The following DEFB131A variants were observed in gnomAD, a reference collection of about 807,000 sequenced individuals.
The protein encoded by DEFB131A is defensin beta 131A.
Under a neutral mutation model 2.4 loss-of-function variants are expected in DEFB131A, and 5 were observed. That is an observed-to-expected ratio of 2.12 (90% confidence interval 1.11 to 4.47). The LOEUF (loss-of-function observed/expected upper bound fraction) is 4.47, where lower values mean the gene tolerates loss of function less well. Ranked by LOEUF, DEFB131A falls within the 30% of genes most tolerant of loss-of-function variation. DEFB131A has a pLI of 0.00. For synonymous variants in DEFB131A, 34 were observed against 25.7 expected (o/e 1.32, Z -0.97); for missense variants, 120 against 79.9 (o/e 1.50, Z -1.91).
intron 1 of DEFB131A, among the ~76,000 whole-genome samples, chr4:9,447,191 G>A (rs958531482): frequency 2.0e-5 from 3 of 152,118 alleles, no homozygotes; most frequent in African/African-American, 7.2e-5. Flanking sequence ...GGATATTGAA[G>A]CCCTCAGTTA....
chr4:9,450,228 C>T (rs1717619822), intron 1 of DEFB131A, 132 bp from the exon 2 acceptor site: 4 of 1,085,314 alleles, frequency 3.7e-6, no homozygotes, highest in Admixed American at 3.9e-5. Context: ...TTTTCTCTTG[C>T]ATTTTTTGCT....
Position 9,450,594 on chromosome 4 carries a change from T to G in DEFB131A, c.*80T>G, listed in dbSNP as rs965891265. On this transcript the variant is annotated 3_prime_UTR_variant, in exon 2 of 2. Coordinates refer to ENST00000334879, the MANE Select transcript of DEFB131A (RefSeq NM_001040448.3). ...TCTTATCTATGAATAATTAACATGA[T>G]AGATGAAAATTATTATAATTGCATG... 4 of 1,498,528 alleles carry G rather than the reference T, an allele frequency of 2.7e-6. No individual in the cohort carries two copies. Among genetic ancestry groups the G allele is most frequent in the Non-Finnish European group, 3.6e-6 (4 of 1,110,962 alleles). The allele number at this position is 1,498,528 out of a possible 1,614,324, so 92.8% of individuals were successfully genotyped here.
intron 1 of DEFB131A, among the ~76,000 whole-genome samples, chr4:9,447,359 T>C (rs1262043706): frequency 6.6e-6 from 1 of 152,164 alleles, no homozygotes; most frequent in Non-Finnish European, 1.5e-5. Flanking sequence ...TCTTTGTCTC[T>C]TTTTATGTTT....
chr4:9,446,412 T>C (rs1362314317), intron 1 of DEFB131A, among the ~76,000 whole-genome samples: 8 of 152,138 alleles, frequency 5.3e-5, no homozygotes, highest in African/African-American at 1.9e-4. Context: ...AATGATCCAT[T>C]GTATTTCTTT....
rs779606789 is a variant in DEFB131A at position 9,448,571 on chromosome 4, G to A, written c.59-1789G>A. Among the ~76,000 whole-genome samples the A allele has an allele frequency of 5.9e-5, 9 of 152,214 alleles. 1 individual carries two copies. The highest frequency in any genetic ancestry group is 1.9e-4 in the East Asian group (1 of 5,170). On this transcript the variant is annotated intron_variant, in intron 1 of 1. Transcript: ENST00000334879. ...ACTCCTGACCTCAGGTGATCCGCCC[G>A]CCTTGGCCTCCCAAAGTACCAGGAT... is the stretch of plus-strand genomic sequence containing the variant.
intron 1 of DEFB131A, among the ~76,000 whole-genome samples, chr4:9,445,257 C>A (rs1717466514): frequency 1.3e-5 from 2 of 152,028 alleles, no homozygotes; most frequent in Admixed American, 1.3e-4. Context: ...CCTTGGTTCA[C>A]AGGATAAATT....
intron 1 of DEFB131A, among the ~76,000 whole-genome samples, chr4:9,446,664 C>A (rs1221833611): frequency 6.6e-6 from 1 of 151,816 alleles, no homozygotes; most frequent in Non-Finnish European, 1.5e-5. Flanking sequence ...TTTTCTTGTT[C>A]CTTGAGGTGC....
In DEFB131A at chr4:9,444,462, G is replaced by C; in HGVS notation, c.-72G>C. ...TCACTCAACAACTCACCTCTTCAGA[G>C]AACTGAATGTACACAGAAGTCCTCT... On this transcript the variant is annotated 5_prime_UTR_variant, in exon 1 of 2. Transcript: ENST00000334879. 1 of 1,555,200 alleles carries C rather than the reference G, an allele frequency of 6.4e-7. No individual in the cohort carries two copies. The highest frequency in any genetic ancestry group is 8.8e-7 in the Non-Finnish European group (1 of 1,138,944).
At chr4:9,448,809 A>G (rs575456869) in intron 1 of DEFB131A, among the ~76,000 whole-genome samples, 1 of 152,184 alleles carries the variant, frequency 6.6e-6, no homozygotes, top group Non-Finnish European at 1.5e-5. Context: ...TGCCACATTT[A>G]TTTAACATGA....
At chr4:9,450,299 G>A (rs1347780836) in intron 1 of DEFB131A, 61 bp from the exon 2 acceptor site, 8 of 1,376,964 alleles carry the variant, frequency 5.8e-6, no homozygotes, top group East Asian at 5.3e-5. Context: ...AAACATTTCA[G>A]ACATTTAACA....
rs1275397913 is a variant in DEFB131A, at chr4:9,444,455, C to T, written c.-79C>T. 3.3e-6 allele frequency: 5 copies of T among 1,532,798 alleles called. No individual in the cohort carries two copies. Among genetic ancestry groups the T allele is most frequent in the Admixed American group, 3.7e-5 (2 of 53,778 alleles). The allele number at this position is 1,532,798 out of a possible 1,614,324, so 94.9% of individuals were successfully genotyped here. ...TCAATAATCACTCAACAACTCACCT[C>T]TTCAGAGAACTGAATGTACACAGAA... On this transcript the variant is annotated 5_prime_UTR_variant, in exon 1 of 2. Coordinates refer to ENST00000334879, the MANE Select transcript of DEFB131A (RefSeq NM_001040448.3).
chr4:9,444,785 C>T (rs891296610), intron 1 of DEFB131A, among the ~76,000 whole-genome samples, 194 bp downstream of exon 1: 4 of 151,980 alleles, frequency 2.6e-5, no homozygotes, highest in African/African-American at 9.6e-5. Flanking sequence ...CTATGATAAA[C>T]TCACTTGAGG....
Position 9,444,561 on chromosome 4 carries a change from G to A in DEFB131A, c.28G>A (p.Val10Ile), listed in dbSNP as rs770070831. Reference protein sequence around the residue: MRVLFFVFGVLSLMFTVPPA... With the variant: MRVLFFVFGILSLMFTVPPA... ...GAGGGTCTTGTTTTTTGTCTTTGGAGTCCTTTCCTTGATGTTCACAGTTCC... is the reference window on the plus strand; with the variant it reads ...GAGGGTCTTGTTTTTTGTCTTTGGAATCCTTTCCTTGATGTTCACAGTTCC... The change falls in exon 1 of 2, where the codon GTC (valine) becomes ATC (isoleucine). Residue 10 changes from valine to isoleucine, a missense_variant. Coordinates refer to ENST00000334879, the MANE Select transcript of DEFB131A (RefSeq NM_001040448.3). 1.2e-6 allele frequency: 2 copies of A among 1,610,888 alleles called. No homozygotes were observed. Among genetic ancestry groups the A allele is most frequent in the Admixed American group, 1.7e-5 (1 of 59,794 alleles).
Position 9,450,561 on chromosome 4 carries a change from T to G in DEFB131A, c.*47T>G. On this transcript the variant is annotated 3_prime_UTR_variant, in exon 2 of 2. Coordinates refer to ENST00000334879, the MANE Select transcript of DEFB131A (RefSeq NM_001040448.3). ...CAGACTCCGGGACAAAAAACATGTCTTAAACTCTCTTATCTATGAATAATT... is the reference window on the plus strand; with the variant it reads ...CAGACTCCGGGACAAAAAACATGTCGTAAACTCTCTTATCTATGAATAATT... 1.9e-6 allele frequency: 3 copies of G among 1,575,108 alleles called. No homozygotes were observed. The highest frequency in any genetic ancestry group is 2.6e-6 in the Non-Finnish European group (3 of 1,159,240).
At chr4:9,447,817 A>G (rs763076023) in intron 1 of DEFB131A, among the ~76,000 whole-genome samples, 4 of 152,190 alleles carry the variant, frequency 2.6e-5, no homozygotes, top group Non-Finnish European at 5.9e-5. Flanking sequence ...TTGTTAGCCC[A>G]TAACGATGAA....
At chr4:9,448,042 C>G (rs1717547706) in intron 1 of DEFB131A, among the ~76,000 whole-genome samples, 2 of 151,936 alleles carry the variant, frequency 1.3e-5, no homozygotes. Context: ...GAAATTCTGA[C>G]TGAGATTTTC....
At chr4:9,449,978 C>A (rs964285464) in intron 1 of DEFB131A, among the ~76,000 whole-genome samples, 3 of 152,156 alleles carry the variant, frequency 2.0e-5, no homozygotes, top group Non-Finnish European at 2.9e-5. Context: ...TCAAGGCCAA[C>A]CCCTCTACTT....
At chr4:9,448,262 C>G (rs1244467757) in intron 1 of DEFB131A, among the ~76,000 whole-genome samples, 1 of 151,266 alleles carries the variant, frequency 6.6e-6, no homozygotes, top group African/African-American at 2.4e-5. Context: ...TTCTCTTAAA[C>G]CACATAAGCA....
At chr4:9,450,269 A>G in intron 1 of DEFB131A, 91 bp from the exon 2 acceptor site, 1 of 1,288,444 alleles carries the variant, frequency 7.8e-7, no homozygotes, top group Non-Finnish European at 1.0e-6. Context: ...AAAGTTCTGT[A>G]ATGTTTTTAA....
Sources: gnomAD v4.1 joint callset for allele counts (sites outside exome capture counted in the v4.1 genomes callset) on GRCh38, gnomAD v4.1.1 for gene constraint, MANE v1.5 for transcripts, NCBI Gene and HGNC (gene_info 2026-07-23, HGNC 2026-07-21) for gene names.